NRXN3: variants seen among roughly 807,000 people sequenced by gnomAD.
NRXN3 encodes the protein neurexin III.
In NRXN3, 32 loss-of-function variants were observed where a neutral mutation model predicts 137.6. The observed-to-expected ratio is 0.23, with a 90% CI of 0.18 to 0.31. NRXN3 has a LOEUF of 0.31. NRXN3 is among the 10% of genes least tolerant of loss of function. The pLI, the probability that NRXN3 is intolerant of heterozygous loss-of-function variation, is 1.00. For synonymous variants in NRXN3, 798 were observed against 784.5 expected (o/e 1.02, Z -0.29); for missense variants, 1,574 against 2,062.5 (o/e 0.76, Z 4.59).
At chr14:78,778,029 C>A (rs1471320965) in intron 8 of NRXN3, among the ~76,000 whole-genome samples, 1 of 152,180 alleles carries the variant, frequency 6.6e-6, no homozygotes, top group Non-Finnish European at 1.5e-5. Context: ...TCCCAAAGTG[C>A]TGGGATTACA....
intron 19 of NRXN3, among the ~76,000 whole-genome samples, chr14:79,754,502 TGATATATATATATATATATA>T (rs1410892445): frequency 2.5e-4 from 12 of 48,406 alleles, no homozygotes; most frequent in African/African-American, 8.2e-4. Context: ...CACTCTCTCT[TGATATATATATATATATATA>T]TATATATATA....
intron 10 of NRXN3, among the ~76,000 whole-genome samples, chr14:78,851,780 G>A (rs755228604): frequency 2.0e-5 from 3 of 152,140 alleles, no homozygotes; most frequent in Non-Finnish European, 4.4e-5. Flanking sequence ...AAATGTTACA[G>A]GGTTTGTGTC....
At chr14:78,355,800 A>G (rs1303248394) in intron 4 of NRXN3, among the ~76,000 whole-genome samples, 1 of 152,190 alleles carries the variant, frequency 6.6e-6, no homozygotes, top group Non-Finnish European at 1.5e-5. Context: ...CGGATACGTC[A>G]TTTATCAATC....
intron 10 of NRXN3, among the ~76,000 whole-genome samples, chr14:78,903,147 C>CTTTT (rs965920523): frequency 0.064 from 7,826 of 121,344 alleles, 940 homozygotes; most frequent in African/African-American, 0.23. Flanking sequence ...GTTTCATCTT[C>CTTTT]TTTTTTTTTT....
Position 79,087,941 on chromosome 14 carries a change from A to G in NRXN3, c.3262+99800A>G, listed in dbSNP as rs114236256. On this transcript the variant is annotated intron_variant, in intron 15 of 20. Transcript: ENST00000335750. ...TCGCCTGCTTGTTTGGGAAATAACA[A>G]CTAGTTGTTTCTGGTTAAAGCAACA... Among the ~76,000 whole-genome samples the G allele has an allele frequency of 2.2e-3, 331 of 150,916 alleles. 25 individuals carry two copies. Among genetic ancestry groups the G allele is most frequent in the African/African-American group, 7.9e-3 (319 of 40,202 alleles).
At chr14:79,000,570 A>C (rs1200413754) in intron 15 of NRXN3, among the ~76,000 whole-genome samples, 1 of 152,170 alleles carries the variant, frequency 6.6e-6, no homozygotes, top group Non-Finnish European at 1.5e-5. Context: ...GGGAGGTGTC[A>C]TCTGGATTTT....
intron 7 of NRXN3, among the ~76,000 whole-genome samples, chr14:78,714,340 G>C (rs983255180): frequency 2.6e-5 from 4 of 152,114 alleles, no homozygotes; most frequent in Non-Finnish European, 5.9e-5. Flanking sequence ...TATGAGGTGG[G>C]GACAGTTATT....
At chr14:78,419,755 C>G (rs1471534881) in intron 4 of NRXN3, among the ~76,000 whole-genome samples, 2 of 152,136 alleles carry the variant, frequency 1.3e-5, no homozygotes, top group Non-Finnish European at 2.9e-5. Context: ...GTTCTAGAGA[C>G]TGGGTGAAGG....
intron 15 of NRXN3, among the ~76,000 whole-genome samples, chr14:79,131,731 G>A (rs2057510913): frequency 6.6e-6 from 1 of 152,208 alleles, no homozygotes; most frequent in African/African-American, 2.4e-5. Flanking sequence ...TGGCTGCTTT[G>A]TTTACCTAAG....
chr14:78,840,373 C>A (rs994995834), intron 10 of NRXN3, among the ~76,000 whole-genome samples: 1 of 152,068 alleles, frequency 6.6e-6, no homozygotes, highest in Non-Finnish European at 1.5e-5. Context: ...ATAAAGGTAA[C>A]AAGAATGAAA....
intron 15 of NRXN3, among the ~76,000 whole-genome samples, chr14:79,042,566 T>A (rs992766630): frequency 6.6e-6 from 1 of 152,234 alleles, no homozygotes; most frequent in Non-Finnish European, 1.5e-5. Context: ...CCATTTTACA[T>A]TGTGTTTTTC....
intron 20 of NRXN3, among the ~76,000 whole-genome samples, chr14:79,820,683 CT>C (rs2099269013): frequency 6.6e-6 from 1 of 151,628 alleles, no homozygotes; most frequent in African/African-American, 2.4e-5. Context: ...CTCAAGTAGA[CT>C]CCATTGTCTG....
chr14:78,956,021 T>C (rs1052113664), intron 10 of NRXN3, among the ~76,000 whole-genome samples: 1 of 152,212 alleles, frequency 6.6e-6, no homozygotes, highest in Non-Finnish European at 1.5e-5. Context: ...TACTATGTAC[T>C]TGGCCCTGTG....
At chr14:79,257,937 C>G (rs979125553) in intron 15 of NRXN3, among the ~76,000 whole-genome samples, 13 of 151,778 alleles carry the variant, frequency 8.6e-5, no homozygotes, top group African/African-American at 3.1e-4. Context: ...ACTGCTTTAC[C>G]TAAAATAGAC....
intron 19 of NRXN3, among the ~76,000 whole-genome samples, chr14:79,769,890 A>C (rs1417790133): frequency 6.6e-6 from 1 of 152,230 alleles, no homozygotes; most frequent in African/African-American, 2.4e-5. Flanking sequence ...TCTCACATGC[A>C]GAGACACACA....
intron 16 of NRXN3, among the ~76,000 whole-genome samples, chr14:79,495,427 A>G (rs747872906): frequency 2.0e-5 from 3 of 150,390 alleles, no homozygotes; most frequent in Non-Finnish European, 4.4e-5. Context: ...TTCTTTCTAC[A>G]TTTTTTTTTT....
intron 15 of NRXN3, among the ~76,000 whole-genome samples, chr14:79,064,850 C>A (rs2099678857): frequency 6.7e-6 from 1 of 149,228 alleles, no homozygotes; most frequent in Non-Finnish European, 1.5e-5. Flanking sequence ...GAATTAAACA[C>A]CTTTAGGTGT....
chr14:78,854,945 A>G (rs2099052767), intron 10 of NRXN3, among the ~76,000 whole-genome samples: 1 of 152,052 alleles, frequency 6.6e-6, no homozygotes, highest in Admixed American at 6.6e-5. Flanking sequence ...TAAGGTTATG[A>G]TAGCTACTGA....
intron 19 of NRXN3, among the ~76,000 whole-genome samples, chr14:79,742,716 G>C (rs1469961750): frequency 6.6e-6 from 1 of 152,134 alleles, no homozygotes; most frequent in Non-Finnish European, 1.5e-5. Context: ...ATAGCCCATA[G>C]TTCACAATGC....
Sources: allele counts gnomAD v4.1 joint callset (sites outside exome capture counted in the v4.1 genomes callset), GRCh38; gene constraint gnomAD v4.1.1; transcripts MANE v1.5; gene names NCBI Gene and HGNC (gene_info 2026-07-23, HGNC 2026-07-21).